Variants in PKN2 observed in about 807,000 individuals in gnomAD.
The protein encoded by PKN2 is protein kinase N2.
A neutral mutation model predicts 119.1 loss-of-function variants in PKN2; 38 were observed. That is an observed-to-expected ratio of 0.32 (90% CI 0.25 to 0.42). The LOEUF (loss-of-function observed/expected upper bound fraction) is 0.42, where lower values mean the gene tolerates loss of function less well. Among genes scored for constraint, PKN2 ranks in the 10% least tolerant of loss-of-function variants. The pLI is 1.00. For synonymous variants in PKN2, 390 were observed against 384.9 expected, an observed-to-expected ratio of 1.01 and a Z score of -0.15; for missense variants, 850 against 1,165.1, an observed-to-expected ratio of 0.73 and a Z score of 3.94.
intron 2 of PKN2, among the ~76,000 whole-genome samples, chr1:88,742,661 A>G (rs1175808887): frequency 2.6e-5 from 4 of 152,070 alleles, no homozygotes; most frequent in Non-Finnish European, 4.4e-5. Flanking sequence ...TTTTGGTAAT[A>G]TTATATAAAC....
intron 18 of PKN2, among the ~76,000 whole-genome samples, chr1:88,825,820 G>A (rs1672478023): frequency 6.6e-6 from 1 of 152,188 alleles, no homozygotes; most frequent in East Asian, 1.9e-4. Context: ...AGGATAAGGT[G>A]ACATACAGTG....
intron 6 of PKN2, among the ~76,000 whole-genome samples, chr1:88,782,156 A>T (rs1670371481): frequency 6.6e-6 from 1 of 152,044 alleles, no homozygotes; most frequent in African/African-American, 2.4e-5. Context: ...TCTTGCTTTC[A>T]TTGTTTTGCA....
In PKN2 at chr1:88,713,590, C is replaced by T. The variant is rs530926016; in HGVS notation, c.49-27398C>T. Among the ~76,000 whole-genome samples the T allele has an allele frequency of 7.0e-4, 107 of 152,058 alleles. 1 individual carries two copies. Among genetic ancestry groups the T allele is most frequent in the Non-Finnish European group, 7.1e-4 (48 of 67,948 alleles). ...TAAATGTCTTCTTTTGAGAAGTGTC[C>T]GTTCATATCCTTTGCCCACTTTTTG... On this transcript the variant is annotated intron_variant, in intron 1 of 21. Transcript: ENST00000370521.
At position 88,833,328 on chromosome 1, in the gene PKN2, T is replaced by C; in HGVS notation, c.2835T>C (p.Asn945=). 1 of 1,613,434 alleles carries C rather than the reference T, an allele frequency of 6.2e-7. No homozygotes were observed. Among genetic ancestry groups the C allele is most frequent in the Non-Finnish European group, 8.5e-7 (1 of 1,179,486 alleles). The change falls in exon 22 of 22, where the codon AAT becomes AAC. Residue 945 remains asparagine (N), a synonymous_variant. Coordinates refer to ENST00000370521, the MANE Select transcript of PKN2 (RefSeq NM_006256.4). ...TAAGAGGACGAGAAGATGTTAGTAA[T>C]TTTGATGATGAATTTACCTCAGAAG... ...PTIRGREDVS[N]FDDEFTSEAP...
At chr1:88,830,988 T>C (rs1305707315) in intron 19 of PKN2, among the ~76,000 whole-genome samples, 1 of 152,084 alleles carries the variant, frequency 6.6e-6, no homozygotes, top group East Asian at 1.9e-4. Context: ...TCACCGGATA[T>C]ATTATACATG....
intron 3 of PKN2, among the ~76,000 whole-genome samples, chr1:88,761,519 T>A (rs1669441115): frequency 1.3e-5 from 2 of 150,806 alleles, no homozygotes; most frequent in Admixed American, 6.6e-5. Flanking sequence ...CTCACACCTG[T>A]ATACCTAGAA....
intron 8 of PKN2, among the ~76,000 whole-genome samples, chr1:88,790,162 T>G (rs935013753): frequency 2.6e-5 from 4 of 152,230 alleles, no homozygotes; most frequent in Admixed American, 2.6e-4. Flanking sequence ...AGCTTTCATC[T>G]TGAGACTTTG....
At chr1:88,784,924 G>T (rs989578314) in intron 7 of PKN2, 100 bp downstream of exon 7, 2 of 558,248 alleles carry the variant, frequency 3.6e-6, no homozygotes, top group African/African-American at 2.0e-5. Flanking sequence ...TAAAATTATG[G>T]TTTTTATAAT....
At chr1:88,795,999 G>A (rs1671049508) in intron 8 of PKN2, among the ~76,000 whole-genome samples, 1 of 152,170 alleles carries the variant, frequency 6.6e-6, no homozygotes, top group African/African-American at 2.4e-5. Flanking sequence ...ACTACTAAGT[G>A]GTGTGGGATT....
chr1:88,745,946 T>G (rs1175418387), intron 2 of PKN2, among the ~76,000 whole-genome samples: 1 of 152,150 alleles, frequency 6.6e-6, no homozygotes, highest in Non-Finnish European at 1.5e-5. Flanking sequence ...TCAATTGATT[T>G]TTGACAAAGC....
chr1:88,822,064 G>A, intron 17 of PKN2, 61 bp downstream of exon 17: 2 of 1,342,634 alleles, frequency 1.5e-6, no homozygotes, highest in East Asian at 5.4e-5. Flanking sequence ...ATTAAAGATA[G>A]TATTTTGTTT....
chr1:88,694,057 A>G (rs1666430946), intron 1 of PKN2, among the ~76,000 whole-genome samples: 1 of 152,196 alleles, frequency 6.6e-6, no homozygotes, highest in Admixed American at 6.5e-5. Context: ...GCGTCCCTAC[A>G]TATGTACATA....
At chr1:88,807,944 CCT>C (rs1266755134) in intron 15 of PKN2, among the ~76,000 whole-genome samples, 169 bp downstream of exon 15, 1 of 151,730 alleles carries the variant, frequency 6.6e-6, no homozygotes, top group African/African-American at 2.4e-5. Context: ...CTTTTTTGCC[CCT>C]TTTTACCCTT....
intron 1 of PKN2, among the ~76,000 whole-genome samples, chr1:88,722,879 TAGAA>T (rs760175439): frequency 2.6e-5 from 4 of 152,058 alleles, no homozygotes; most frequent in Non-Finnish European, 2.9e-5. Context: ...CCTCTGCACT[TAGAA>T]AGCCTGTCTT....
chr1:88,749,214 A>G (rs1374126029), intron 2 of PKN2, among the ~76,000 whole-genome samples: 1 of 152,124 alleles, frequency 6.6e-6, no homozygotes, highest in African/African-American at 2.4e-5. Context: ...CTACTAGGAG[A>G]TGATAGGTGC....
At chr1:88,708,481 T>C (rs1167256548) in intron 1 of PKN2, among the ~76,000 whole-genome samples, 1 of 152,202 alleles carries the variant, frequency 6.6e-6, no homozygotes, top group Non-Finnish European at 1.5e-5. Context: ...TAAGTCATAC[T>C]TCAACATTAC....
intron 1 of PKN2, among the ~76,000 whole-genome samples, chr1:88,720,446 CTGTT>C (rs1667628809): frequency 6.6e-6 from 1 of 152,132 alleles, no homozygotes; most frequent in Admixed American, 6.6e-5. Context: ...GTCTCCATGT[CTGTT>C]TGTCTCTATT....
At chr1:88,765,815 A>G (rs1224400471) in intron 3 of PKN2, among the ~76,000 whole-genome samples, 1 of 152,054 alleles carries the variant, frequency 6.6e-6, no homozygotes, top group East Asian at 1.9e-4. Flanking sequence ...TTGTTTTTGG[A>G]GACAGGGTCT....
intron 1 of PKN2, among the ~76,000 whole-genome samples, chr1:88,728,925 C>T (rs539511505): frequency 6.6e-5 from 9 of 135,498 alleles, no homozygotes; most frequent in African/African-American, 2.4e-4. Flanking sequence ...GATGGAGTTT[C>T]GCTCTTGTGC....
Sources: allele counts gnomAD v4.1 joint callset (sites outside exome capture counted in the v4.1 genomes callset), GRCh38; gene constraint gnomAD v4.1.1; transcripts MANE v1.5; gene names NCBI Gene and HGNC (gene_info 2026-07-23, HGNC 2026-07-21).